Variants in BMPER observed in about 807,000 individuals in gnomAD.
BMPER encodes BMP binding endothelial regulator.
In BMPER, 45 loss-of-function variants were observed where a neutral mutation model predicts 87.3. The ratio of observed to expected loss-of-function variants is 0.52; its 90% CI spans 0.41 to 0.66. The LOEUF (loss-of-function observed/expected upper bound fraction) is 0.66, where lower values mean the gene tolerates loss of function less well. Among genes scored for constraint, BMPER ranks in the 30% least tolerant of loss-of-function variants. The probability of loss-of-function intolerance (pLI) is 0.00; values close to 1 mark genes in which losing one functional copy is unlikely to be tolerated. For missense variants in BMPER, 784 were observed against 867.5 expected, an observed-to-expected ratio of 0.90 and a Z score of 1.21; for synonymous variants, 326 against 316.2, an observed-to-expected ratio of 1.03 and a Z score of -0.33.
intron 3 of BMPER, among the ~76,000 whole-genome samples, chr7:33,941,945 A>G (rs1018248748): frequency 6.6e-6 from 1 of 152,136 alleles, no homozygotes; most frequent in African/African-American, 2.4e-5. Context: ...TGCAGTTTTT[A>G]AAGCTGCTCA....
In BMPER at chr7:34,088,301, C is replaced by T. The variant is rs552762144; in HGVS notation, c.1745+2209C>T. On this transcript the variant is annotated intron_variant, in intron 13 of 14. Transcript: ENST00000649409. ...AGGAGAGCTGGGCAATTCTGCCTGC[C>T]CTGCCCTCTGCTGGTGATCTCACAG... 2.6e-5 allele frequency among the ~76,000 whole-genome samples: 4 copies of T among 152,280 alleles called. No homozygotes were observed. The South Asian group carries it at 8.3e-4, about 32-fold the overall frequency.
At chr7:33,987,790 G>A (rs979668534) in intron 6 of BMPER, among the ~76,000 whole-genome samples, 1 of 152,064 alleles carries the variant, frequency 6.6e-6, no homozygotes, top group Non-Finnish European at 1.5e-5. Context: ...ACTATGTGAG[G>A]ACTTCTTAAA....
chr7:34,062,811 T>C (rs1418852034), intron 11 of BMPER, among the ~76,000 whole-genome samples: 4 of 152,176 alleles, frequency 2.6e-5, no homozygotes, highest in African/African-American at 9.7e-5. Context: ...GTAGAAAAGG[T>C]ATAGTAAAAA....
chr7:34,080,996 T>C (rs559953545), intron 12 of BMPER, among the ~76,000 whole-genome samples: 5 of 151,728 alleles, frequency 3.3e-5, no homozygotes, highest in African/African-American at 9.8e-5. Context: ...TTTTACAATT[T>C]CTTTTTTTTT....
At chr7:34,143,190 A>G (rs757450568) in intron 13 of BMPER, 40 bp from the exon 14 acceptor site, 7 of 1,612,506 alleles carry the variant, frequency 4.3e-6, no homozygotes, top group African/African-American at 1.3e-5. Flanking sequence ...TTATGGTTTG[A>G]TATTTTTAAA....
At chr7:34,047,259 C>T (rs970953662) in intron 7 of BMPER, among the ~76,000 whole-genome samples, 4 of 151,876 alleles carry the variant, frequency 2.6e-5, no homozygotes, top group Non-Finnish European at 5.9e-5. Context: ...CTACCTTCTT[C>T]TTCTTCTTCT....
intron 7 of BMPER, among the ~76,000 whole-genome samples, chr7:34,047,252 CCTTCTT>C (rs535011658): frequency 6.6e-6 from 1 of 151,522 alleles, no homozygotes; most frequent in Non-Finnish European, 1.5e-5. Flanking sequence ...TTATATGCTA[CCTTCTT>C]CTTCTTCTTC....
intron 6 of BMPER, among the ~76,000 whole-genome samples, chr7:33,980,950 A>G (rs1785841371): frequency 6.6e-6 from 1 of 152,210 alleles, no homozygotes; most frequent in African/African-American, 2.4e-5. Flanking sequence ...AAGGAAGGGT[A>G]TTTGAAGAAA....
intron 13 of BMPER, among the ~76,000 whole-genome samples, chr7:34,142,701 T>G (rs1451163575): frequency 2.6e-5 from 4 of 152,244 alleles, no homozygotes; most frequent in African/African-American, 9.6e-5. Context: ...ATTCTAATCG[T>G]CTGTCTTCAG....
Position 34,043,382 on chromosome 7 carries a change from A to C in BMPER, c.577-2924A>C, listed in dbSNP as rs866100157. On this transcript the variant is annotated intron_variant, in intron 6 of 14. Coordinates refer to ENST00000649409, the MANE Select transcript of BMPER (RefSeq NM_001365308.1). ...GTCTAGTAGAGAGAAAAGTGAGAGC[A>C]TGGAGAATTGATGTAGACCTATAAG... Among the ~76,000 whole-genome samples, 18 of 152,190 alleles carry C rather than the reference A, an allele frequency of 1.2e-4. 1 individual carries two copies. Among genetic ancestry groups the C allele is most frequent in the Non-Finnish European group, 2.2e-4 (15 of 68,032 alleles).
chr7:34,051,802 G>A, intron 7 of BMPER, 59 bp from the exon 8 acceptor site: 1 of 1,415,824 alleles, frequency 7.1e-7, no homozygotes, highest in Non-Finnish European at 1.0e-6. Context: ...AATCACCGAT[G>A]ACAAAATGGG....
chr7:34,084,597 A>G (rs1789149249), intron 12 of BMPER, among the ~76,000 whole-genome samples: 1 of 152,246 alleles, frequency 6.6e-6, no homozygotes, highest in Admixed American at 6.5e-5. Flanking sequence ...AACTCTGGCT[A>G]GAAAAGTTTG....
At position 33,953,955 on chromosome 7, in the gene BMPER, C is replaced by A. The variant is rs142926255; in HGVS notation, c.320-12524C>A. ...TAGCATAATGTCTTCAAGGTTTATC[C>A]ATGTTGTAGCGGGTATTAGAATTTT... On this transcript the variant is annotated intron_variant, in intron 3 of 14. Transcript: ENST00000649409. Among the ~76,000 whole-genome samples the A allele has an allele frequency of 1.5e-3, 232 of 152,274 alleles. 2 individuals are homozygous for A. The highest frequency in any genetic ancestry group is 0.014 in the South Asian group (70 of 4,830).
chr7:34,028,615 T>G (rs892682273), intron 6 of BMPER, among the ~76,000 whole-genome samples: 9 of 129,806 alleles, frequency 6.9e-5, no homozygotes, highest in Non-Finnish European at 1.1e-4. Context: ...TTTTTTTTTT[T>G]TTTTTTTTTT....
chr7:33,976,365 C>G (rs1428343088), intron 6 of BMPER, among the ~76,000 whole-genome samples: 1 of 152,088 alleles, frequency 6.6e-6, no homozygotes, highest in Non-Finnish European at 1.5e-5. Context: ...GTCAGCCAGG[C>G]TGGTCTCGAA....
intron 11 of BMPER, among the ~76,000 whole-genome samples, chr7:34,069,149 C>T (rs1008021487): frequency 6.6e-6 from 1 of 152,154 alleles, no homozygotes; most frequent in Non-Finnish European, 1.5e-5. Flanking sequence ...TGCAAGTATC[C>T]AGTTTTGACT....
chr7:34,000,816 A>G (rs145178916), intron 6 of BMPER, among the ~76,000 whole-genome samples: 17 of 152,148 alleles, frequency 1.1e-4, no homozygotes, highest in African/African-American at 3.4e-4. Context: ...GTATGATGCT[A>G]GTTGTGGATT....
At chr7:33,981,098 C>G (rs1267072852) in intron 6 of BMPER, among the ~76,000 whole-genome samples, 1 of 152,180 alleles carries the variant, frequency 6.6e-6, no homozygotes, top group Non-Finnish European at 1.5e-5. Context: ...CCTCTCTGCT[C>G]TGGCCACTCT....
intron 13 of BMPER, among the ~76,000 whole-genome samples, chr7:34,088,737 C>T (rs924677407): frequency 5.9e-5 from 9 of 152,164 alleles, no homozygotes; most frequent in African/African-American, 1.9e-4. Flanking sequence ...TGGCACAGAG[C>T]GTGCTGCTGT....
Sources: gnomAD v4.1 joint callset for allele counts (sites outside exome capture counted in the v4.1 genomes callset) on GRCh38, gnomAD v4.1.1 for gene constraint, MANE v1.5 for transcripts, NCBI Gene and HGNC (gene_info 2026-07-23, HGNC 2026-07-21) for gene names.